Variants in WWTR1 observed in about 807,000 individuals in gnomAD.
The protein encoded by WWTR1 is WW domain-containing transcription regulator protein 1.
WWTR1 carries 13 observed loss-of-function variants against 40.1 expected under a neutral mutation model. That is an observed-to-expected ratio of 0.32 (90% confidence interval 0.21 to 0.52). WWTR1 has a LOEUF of 0.52. WWTR1 is among the 20% of genes least tolerant of loss of function. WWTR1 has a pLI of 0.97. For synonymous variants in WWTR1, 230 were observed against 210.1 expected (o/e 1.09, Z -0.82); for missense variants, 436 against 523.1 (o/e 0.83, Z 1.63).
chr3:149,676,504 C>G (rs1255192485), intron 1 of WWTR1, among the ~76,000 whole-genome samples: 1 of 152,086 alleles, frequency 6.6e-6, no homozygotes, highest in Non-Finnish European at 1.5e-5. Flanking sequence ...GGTAGATGAC[C>G]TGTCTGATGA....
At chr3:149,576,924 G>A (rs1474173188) in intron 2 of WWTR1, among the ~76,000 whole-genome samples, 2 of 152,162 alleles carry the variant, frequency 1.3e-5, no homozygotes, top group South Asian at 2.1e-4. Flanking sequence ...TTGGGAGGCC[G>A]AGGTGGGCAG....
intron 4 of WWTR1, among the ~76,000 whole-genome samples, chr3:149,721,186 TAGAGAAAAAGC>T (rs1455795248): frequency 6.6e-6 from 1 of 152,192 alleles, no homozygotes; most frequent in Non-Finnish European, 1.5e-5. Context: ...TTTCTGATCT[TAGAGAAAAAGC>T]TTTCAGTCTT....
chr3:149,614,741 G>C (rs1253723125), intron 2 of WWTR1, among the ~76,000 whole-genome samples: 1 of 152,188 alleles, frequency 6.6e-6, no homozygotes, highest in East Asian at 1.9e-4. Context: ...CCAGTACTTT[G>C]GGAAGCCGAG....
At chr3:149,722,659 A>AT (rs1715780518) in intron 4 of WWTR1, among the ~76,000 whole-genome samples, 1 of 151,802 alleles carries the variant, frequency 6.6e-6, no homozygotes, top group Non-Finnish European at 1.5e-5. Context: ...CCCTCAAGGC[A>AT]TATGTTGATC....
chr3:149,641,307 A>T (rs192094866), intron 2 of WWTR1, among the ~76,000 whole-genome samples: 1 of 152,250 alleles, frequency 6.6e-6, no homozygotes, highest in African/African-American at 2.4e-5. Flanking sequence ...TAGACTCCAT[A>T]CGATATGTAC....
intron 2 of WWTR1, among the ~76,000 whole-genome samples, chr3:149,629,035 G>A (rs142905521): frequency 0.01 from 1,526 of 152,288 alleles, 12 homozygotes; most frequent in East Asian, 0.019. Context: ...TCCTCCCAAA[G>A]TGATGGGATT....
At chr3:149,699,723 G>A (rs183882391) in intron 1 of WWTR1, among the ~76,000 whole-genome samples, 4 of 152,236 alleles carry the variant, frequency 2.6e-5, no homozygotes, top group South Asian at 2.1e-4. Flanking sequence ...TTCCATCTGA[G>A]ACCTGATCAG....
intron 3 of WWTR1, among the ~76,000 whole-genome samples, chr3:149,564,678 T>C (rs1221170902): frequency 6.6e-6 from 1 of 152,154 alleles, no homozygotes; most frequent in Admixed American, 6.5e-5. Context: ...GAGCTTTGCT[T>C]GGGGCTAGAA....
At chr3:149,715,879 TA>T (rs1476396335) in intron 5 of WWTR1, among the ~76,000 whole-genome samples, 2 of 152,204 alleles carry the variant, frequency 1.3e-5, no homozygotes, top group Non-Finnish European at 2.9e-5. Context: ...CAGAGGGGAC[TA>T]CAACATATTT....
intron 4 of WWTR1, among the ~76,000 whole-genome samples, chr3:149,536,476 A>G (rs1433918087): frequency 6.9e-6 from 1 of 144,852 alleles, no homozygotes; most frequent in African/African-American, 2.8e-5. Context: ...CATGACAAAA[A>G]AAAAAAGGGG....
Position 149,542,404 on chromosome 3 carries a change from T to C in WWTR1, c.702A>G (p.Lys234=). 1 of 1,614,138 alleles carries C rather than the reference T, an allele frequency of 6.2e-7. No homozygotes were observed. The highest frequency in any genetic ancestry group is 1.1e-5 in the South Asian group (1 of 91,070). ...CCATCTGGATTCTCTGAAGCCGCAG[T>C]TTCTGCTGCTGCTGCTGCTGAGTGG... The part of the protein sequence containing the change: ...ALTTQQQQQQ[K]LRLQRIQMER... The change falls in exon 4 of 7, where the codon AAA becomes AAG. Residue 234 remains lysine, a synonymous_variant. Coordinates refer to ENST00000360632, the MANE Select transcript of WWTR1 (RefSeq NM_015472.6).
chr3:149,567,757 A>G (rs1737401336), intron 3 of WWTR1, among the ~76,000 whole-genome samples: 1 of 152,246 alleles, frequency 6.6e-6, no homozygotes, highest in African/African-American at 2.4e-5. Flanking sequence ...GATAGGTACT[A>G]TCATTATCAC....
At chr3:149,608,961 C>A (rs1739609803) in intron 2 of WWTR1, among the ~76,000 whole-genome samples, 1 of 152,216 alleles carries the variant, frequency 6.6e-6, no homozygotes, top group African/African-American at 2.4e-5. Context: ...CCCAGCCACT[C>A]AGGAGGCTGA....
chr3:149,617,381 G>T (rs2108078278), intron 2 of WWTR1, among the ~76,000 whole-genome samples: 1 of 152,318 alleles, frequency 6.6e-6, no homozygotes, highest in African/African-American at 2.4e-5. Context: ...CACACACAGT[G>T]TGTGTGCTTT....
intron 1 of WWTR1, 67 bp downstream of exon 1, chr3:149,657,698 G>C (rs779041417): frequency 5.3e-6 from 1 of 187,996 alleles, no homozygotes; most frequent in South Asian, 1.2e-4. Flanking sequence ...TCTCGACTCC[G>C]GAAGCCCGAG....
rs748348210 is a variant in WWTR1 at position 149,526,060 on chromosome 3, G to A, written c.971C>T (p.Pro324Leu). 35 of 1,610,226 alleles carry A rather than the reference G, an allele frequency of 2.2e-5. No individual in the cohort carries two copies. In the East Asian group the frequency reaches 7.6e-4, roughly 35 times the overall value. ...SGLGLGCYSVPTTPEDFLSNV... is the reference protein window; with the variant it reads ...SGLGLGCYSVLTTPEDFLSNV... Reference sequence around the variant, plus strand: ...GCTGAGGAAGTCCTCCGGAGTTGTGGGGACACTGTAGCACCCTAACCCCAG... The same window carrying A: ...GCTGAGGAAGTCCTCCGGAGTTGTGAGGACACTGTAGCACCCTAACCCCAG... Residue 324 changes from proline (P) to leucine (L), a missense_variant, in exon 6 of 7, where the codon CCC (proline) becomes CTC (leucine). Transcript: ENST00000360632.
intron 6 of WWTR1, among the ~76,000 whole-genome samples, chr3:149,522,364 T>C (rs1735093715): frequency 6.6e-6 from 1 of 152,174 alleles, no homozygotes; most frequent in Admixed American, 6.5e-5. Flanking sequence ...ATTTTGGTGA[T>C]AGCAAAACAC....
chr3:149,541,636 G>A (rs1227738043), intron 4 of WWTR1, among the ~76,000 whole-genome samples: 2 of 151,848 alleles, frequency 1.3e-5, no homozygotes, highest in Non-Finnish European at 2.9e-5. Flanking sequence ...TTGACCAAGA[G>A]AGTGTGGCAA....
intron 5 of WWTR1, among the ~76,000 whole-genome samples, chr3:149,527,494 C>A (rs947781879): frequency 1.3e-5 from 2 of 152,186 alleles, no homozygotes; most frequent in African/African-American, 4.8e-5. Context: ...ATATGGCATG[C>A]TTTTATCCCC....
Sources: allele counts gnomAD v4.1 joint callset (sites outside exome capture counted in the v4.1 genomes callset), GRCh38; gene constraint gnomAD v4.1.1; transcripts MANE v1.5; gene names NCBI Gene and HGNC (gene_info 2026-07-23, HGNC 2026-07-21).